The following MECOM variants were observed in gnomAD, a reference collection of about 807,000 sequenced individuals.
MECOM encodes histone-lysine N-methyltransferase MECOM.
A neutral mutation model predicts 116.3 loss-of-function variants in MECOM; 13 were observed. The ratio of observed to expected loss-of-function variants is 0.11; its 90% CI spans 0.07 to 0.18. The LOEUF is 0.18. Among genes scored for constraint, MECOM ranks in the 10% least tolerant of loss-of-function variants. The probability of loss-of-function intolerance (pLI) is 1.00; values close to 1 mark genes in which losing one functional copy is unlikely to be tolerated. For synonymous variants in MECOM, 528 were observed against 535.2 expected (o/e 0.99, Z 0.19); for missense variants, 1,299 against 1,509.0 (o/e 0.86, Z 2.31).
At chr3:169,240,801 T>C (rs1162092638) in intron 2 of MECOM, among the ~76,000 whole-genome samples, 2 of 152,194 alleles carry the variant, frequency 1.3e-5, no homozygotes, top group South Asian at 2.1e-4. Flanking sequence ...GGAGAGATTT[T>C]ATTAGACAGA....
intron 2 of MECOM, among the ~76,000 whole-genome samples, chr3:169,344,919 T>A (rs1434559538): frequency 6.6e-6 from 1 of 152,154 alleles, no homozygotes; most frequent in African/African-American, 2.4e-5. Flanking sequence ...TTGCTACTGA[T>A]CTGCTACATG....
intron 1 of MECOM, among the ~76,000 whole-genome samples, chr3:169,406,841 T>TA (rs1736780541): frequency 6.6e-6 from 1 of 150,708 alleles, no homozygotes. Context: ...TGGTTACTGT[T>TA]TTTTTTTGTT....
intron 1 of MECOM, among the ~76,000 whole-genome samples, chr3:169,523,893 A>ACACG (rs35741929): frequency 2.3e-5 from 1 of 43,822 alleles, no homozygotes; most frequent in Non-Finnish European, 4.7e-5. Flanking sequence ...ATATACACAT[A>ACACG]TACATACCTG....
intron 2 of MECOM, among the ~76,000 whole-genome samples, chr3:169,334,626 T>A (rs1723302800): frequency 6.6e-6 from 1 of 152,208 alleles, no homozygotes; most frequent in Non-Finnish European, 1.5e-5. Context: ...ATGCTGATCC[T>A]GTATAATAAG....
chr3:169,159,720 T>C (rs1477157446), intron 2 of MECOM, among the ~76,000 whole-genome samples: 1 of 152,030 alleles, frequency 6.6e-6, no homozygotes, highest in Admixed American at 6.6e-5. Flanking sequence ...AAATAAAAAT[T>C]TTAAAAAAGA....
chr3:169,139,856 G>A (rs995865630), intron 3 of MECOM, among the ~76,000 whole-genome samples: 11 of 151,682 alleles, frequency 7.3e-5, no homozygotes, highest in African/African-American at 2.7e-4. Context: ...GGGTGAGACC[G>A]ACCAAACCTA....
Position 169,190,591 on chromosome 3 carries a change from T to C in MECOM, c.376-46759A>G, listed in dbSNP as rs1577300462. On this transcript the variant is annotated intron_variant, in intron 2 of 16. Coordinates refer to ENST00000651503, the MANE Select transcript of MECOM (RefSeq NM_004991.4). ...CAGGCCAACTGGTATCCAGATCATA[T>C]AGAAGAGGAAAGTAAAGTTCAGAGA... Among the ~76,000 whole-genome samples the C allele has an allele frequency of 2.6e-5, 4 of 152,140 alleles. No homozygotes were observed. In the South Asian group the frequency reaches 6.2e-4, roughly 24 times the overall value.
At chr3:169,358,232 C>G (rs918714866) in intron 2 of MECOM, among the ~76,000 whole-genome samples, 5 of 151,634 alleles carry the variant, frequency 3.3e-5, no homozygotes, top group African/African-American at 1.2e-4. Flanking sequence ...TTAGTCTGTG[C>G]CTAAAATGTC....
intron 1 of MECOM, among the ~76,000 whole-genome samples, chr3:169,534,271 C>T (rs1225158728): frequency 6.6e-6 from 1 of 151,644 alleles, no homozygotes; most frequent in Non-Finnish European, 1.5e-5. Context: ...TGTCCTTCTA[C>T]TCATTCCTAA....
intron 2 of MECOM, among the ~76,000 whole-genome samples, chr3:169,257,559 T>G (rs1298236348): frequency 6.6e-6 from 1 of 152,220 alleles, no homozygotes; most frequent in African/African-American, 2.4e-5. Context: ...TTCAAGGTCT[T>G]ATTGAAGAAA....
chr3:169,219,104 T>C (rs1751777250), intron 2 of MECOM, among the ~76,000 whole-genome samples: 1 of 152,178 alleles, frequency 6.6e-6, no homozygotes, highest in Non-Finnish European at 1.5e-5. Flanking sequence ...AACATCGAAG[T>C]ATCACAGAAT....
At chr3:169,478,980 C>T (rs1277552209) in intron 1 of MECOM, among the ~76,000 whole-genome samples, 1 of 152,026 alleles carries the variant, frequency 6.6e-6, no homozygotes, top group African/African-American at 2.4e-5. Flanking sequence ...ATTTATTCAC[C>T]AAAATATTTG....
At chr3:169,578,794 C>T (rs1459972474) in intron 1 of MECOM, among the ~76,000 whole-genome samples, 1 of 152,166 alleles carries the variant, frequency 6.6e-6, no homozygotes, top group Admixed American at 6.5e-5. Flanking sequence ...ATGATCTCAG[C>T]ATGTCACTTT....
chr3:169,649,161 C>T (rs1054974620), intron 1 of MECOM, among the ~76,000 whole-genome samples: 1 of 152,142 alleles, frequency 6.6e-6, no homozygotes, highest in Non-Finnish European at 1.5e-5. Context: ...GATAGGCAGA[C>T]TTTCCAGGAA....
At chr3:169,412,481 C>T (rs17485501) in intron 1 of MECOM, among the ~76,000 whole-genome samples, 27,699 of 151,856 alleles carry the variant, frequency 0.18, 3,079 homozygotes, top group East Asian at 0.25. Context: ...GCAATTCTTG[C>T]GTATGCCATC....
intron 1 of MECOM, among the ~76,000 whole-genome samples, chr3:169,555,861 C>A (rs375159262): frequency 2.6e-3 from 399 of 152,316 alleles, no homozygotes; most frequent in Non-Finnish European, 4.4e-3. Context: ...TTCACCCTGG[C>A]GGACTGGCAT....
chr3:169,506,023 C>T (rs1289483764), intron 1 of MECOM, among the ~76,000 whole-genome samples: 1 of 152,176 alleles, frequency 6.6e-6, no homozygotes, highest in Non-Finnish European at 1.5e-5. Context: ...CAAAAACCCA[C>T]TTGTCCATTA....
intron 2 of MECOM, among the ~76,000 whole-genome samples, chr3:169,153,855 A>C (rs1416949157): frequency 6.6e-6 from 1 of 152,202 alleles, no homozygotes; most frequent in Non-Finnish European, 1.5e-5. Flanking sequence ...GGAACAGGTC[A>C]AAATACTATA....
At chr3:169,111,071 C>T (rs1275288960) in intron 9 of MECOM, among the ~76,000 whole-genome samples, 2 of 152,136 alleles carry the variant, frequency 1.3e-5, no homozygotes, top group African/African-American at 4.8e-5. Flanking sequence ...CAAAACTGCC[C>T]ATCTTATGAA....
Sources: gnomAD v4.1 joint callset for allele counts (sites outside exome capture counted in the v4.1 genomes callset) on GRCh38, gnomAD v4.1.1 for gene constraint, MANE v1.5 for transcripts, NCBI Gene and HGNC (gene_info 2026-07-23, HGNC 2026-07-21) for gene names.